The following S100PBP variants were observed in gnomAD, a reference collection of about 807,000 sequenced individuals.
S100PBP encodes S100P-binding protein.
S100PBP carries 15 observed loss-of-function variants against 39.9 expected under a neutral mutation model. The ratio of observed to expected loss-of-function variants is 0.38; its 90% CI spans 0.25 to 0.58. S100PBP has a LOEUF of 0.58. Among genes scored for constraint, S100PBP ranks in the 20% least tolerant of loss-of-function variants. The pLI, the probability that S100PBP is intolerant of heterozygous loss-of-function variation, is 0.70. For missense variants in S100PBP, 504 were observed against 487.3 expected (o/e 1.03, Z -0.32); for synonymous variants, 178 against 180.3 (o/e 0.99, Z 0.10).
Position 32,853,191 on chromosome 1 carries a change from G to A in S100PBP, c.1112+25G>A, listed in dbSNP as rs1354515716. 15 of 1,565,032 alleles carry A rather than the reference G, an allele frequency of 9.6e-6. No individual in the cohort carries two copies. The Admixed American group carries it at 2.5e-4, about 26-fold the overall frequency. On this transcript the variant is annotated intron_variant, in intron 6 of 6. Transcript: ENST00000373475. ...GGTGAGTGGGTGATTAGAAGAAGATGGAAAAGGGTAGAATGGCTGGGCGCG... is the reference window on the plus strand; with the variant it reads ...GGTGAGTGGGTGATTAGAAGAAGATAGAAAAGGGTAGAATGGCTGGGCGCG...
chr1:32,831,079 C>CAAAAA (rs35054997), intron 5 of S100PBP, among the ~76,000 whole-genome samples: 1 of 144,978 alleles, frequency 6.9e-6, no homozygotes, highest in Non-Finnish European at 1.5e-5. Context: ...GACTCTGTCT[C>CAAAAA]AAAAAAAAAA....
In S100PBP at chr1:32,856,012, C is replaced by A. The variant is rs1296177957; in HGVS notation, c.1201C>A (p.Arg401Ser). The A allele has an allele frequency of 2.5e-6, 4 of 1,612,640 alleles. No individual in the cohort carries two copies. In the African/African-American group the frequency reaches 4.0e-5, roughly 16 times the overall value. Reference sequence around the variant, plus strand: ...CATGCGAAGCCACCATCGGTTCCAGCGTCTCCCAGACTTCTCGTACAGTTA... The same window carrying A: ...CATGCGAAGCCACCATCGGTTCCAGAGTCTCCCAGACTTCTCGTACAGTTA... ...RNMRSHHRFQ[R>S]LPDFSYS The change falls in exon 7 of 7, where the codon CGT becomes AGT. Residue 401 changes from arginine (R) to serine (S), a missense_variant. Transcript: ENST00000373475.
At chr1:32,847,966 C>G (rs964745784) in intron 5 of S100PBP, among the ~76,000 whole-genome samples, 2 of 152,056 alleles carry the variant, frequency 1.3e-5, no homozygotes, top group African/African-American at 2.4e-5. Flanking sequence ...CACCAGGTCT[C>G]GTAGTGAAAA....
At chr1:32,834,059 T>A in intron 5 of S100PBP, 1 of 336,158 alleles carries the variant, frequency 3.0e-6, no homozygotes, top group Non-Finnish European at 6.2e-6. Flanking sequence ...GTGGAATTGC[T>A]GGGTAAAGTA....
Position 32,847,852 on chromosome 1 carries a change from C to T in S100PBP, c.1025-5227C>T, listed in dbSNP as rs112018678. 476 of 152,234 alleles carry T rather than the reference C, an allele frequency of 3.1e-3. 7 individuals carry two copies. Among genetic ancestry groups the T allele is most frequent in the African/African-American group, 0.011 (451 of 41,524 alleles). 9.4% of individuals were successfully genotyped at this position (152,234 alleles called of 1,614,324 possible). ...TCTTTCCTTCTCTCTTCATTCCCTCCCTGGTATTAAGTACTTTACATTGCA... is the reference window on the plus strand; with the variant it reads ...TCTTTCCTTCTCTCTTCATTCCCTCTCTGGTATTAAGTACTTTACATTGCA... On this transcript the variant is annotated intron_variant, in intron 5 of 6. Coordinates refer to ENST00000373475, the MANE Select transcript of S100PBP (RefSeq NM_022753.4).
chr1:32,851,606 C>T (rs532989626), intron 5 of S100PBP, among the ~76,000 whole-genome samples: 3 of 151,732 alleles, frequency 2.0e-5, no homozygotes, highest in Admixed American at 6.6e-5. Flanking sequence ...GAGGAGGTTG[C>T]GGTGAGCCGA....
intron 1 of S100PBP, among the ~76,000 whole-genome samples, chr1:32,823,900 A>G (rs1253737737): frequency 6.6e-6 from 1 of 152,182 alleles, no homozygotes; most frequent in Non-Finnish European, 1.5e-5. Context: ...ATATCTTCTA[A>G]AAGAATGCAT....
intron 6 of S100PBP, among the ~76,000 whole-genome samples, chr1:32,853,605 G>C (rs1380922593): frequency 1.3e-5 from 2 of 151,834 alleles, no homozygotes; most frequent in Non-Finnish European, 2.9e-5. Flanking sequence ...AATGGAATAA[G>C]AACTGGACTG....
chr1:32,839,332 CTT>C (rs907754422), intron 5 of S100PBP, among the ~76,000 whole-genome samples: 2 of 152,196 alleles, frequency 1.3e-5, no homozygotes, highest in Non-Finnish European at 2.9e-5. Context: ...CTTTTTAAGA[CTT>C]AATAATACAG....
intron 1 of S100PBP, among the ~76,000 whole-genome samples, chr1:32,818,318 G>C (rs574980563): frequency 2.0e-5 from 3 of 152,396 alleles, no homozygotes; most frequent in East Asian, 3.9e-4. Context: ...GCATTTGTGA[G>C]AGAGAGCCAA....
chr1:32,827,288 G>A (rs1251280042), intron 3 of S100PBP, among the ~76,000 whole-genome samples: 1 of 152,146 alleles, frequency 6.6e-6, no homozygotes, highest in Non-Finnish European at 1.5e-5. Flanking sequence ...TAATTACTAA[G>A]ATGGTAATTC....
intron 4 of S100PBP, 38 bp downstream of exon 4, chr1:32,828,119 G>T (rs1024430992): frequency 7.1e-7 from 1 of 1,416,372 alleles, no homozygotes; most frequent in South Asian, 1.2e-5. Flanking sequence ...GATTTATTTT[G>T]GTTCTCTTCA....
upstream of S100PBP, chr1:32,817,382 G>T: frequency 9.2e-7 from 1 of 1,082,128 alleles, no homozygotes; most frequent in Non-Finnish European, 1.4e-6. Flanking sequence ...CGCTTACTCG[G>T]CCTGGACCCC....
chr1:32,833,355 A>ATTTTTT (rs1639682369), intron 5 of S100PBP, among the ~76,000 whole-genome samples: 1 of 148,348 alleles, frequency 6.7e-6, no homozygotes, highest in African/African-American at 2.5e-5. Flanking sequence ...TCTGTCTTTC[A>ATTTTTT]TTTTTTATTA....
chr1:32,856,123 T>C lies in S100PBP; in HGVS notation c.*85T>C. 1 of 836,292 alleles carries C rather than the reference T, an allele frequency of 1.2e-6. No homozygotes were observed. Among genetic ancestry groups the C allele is most frequent in the Non-Finnish European group, 1.9e-6 (1 of 538,506 alleles). The allele number at this position is 836,292 out of a possible 1,614,324, so 51.8% of individuals were successfully genotyped here. A position where few individuals can be genotyped will look rare whatever the true frequency, so the allele number is the denominator to read the frequency against. On this transcript the variant is annotated 3_prime_UTR_variant, in exon 7 of 7. Transcript: ENST00000373475. The stretch of plus-strand genomic sequence containing the variant: ...TCATGTTCTTTTGCTGTTTTGTGCT[T>C]TGCCGATTTTGGATTTTATTTTTCA...
intron 6 of S100PBP, among the ~76,000 whole-genome samples, 156 bp from the exon 7 acceptor site, chr1:32,855,768 A>G (rs148958642): frequency 2.4e-4 from 36 of 152,348 alleles, no homozygotes; most frequent in African/African-American, 8.7e-4. Flanking sequence ...GAAATAGTAT[A>G]AAATTTCTAA....
chr1:32,846,374 C>A (rs1349399380), intron 5 of S100PBP, among the ~76,000 whole-genome samples: 7 of 147,832 alleles, frequency 4.7e-5, no homozygotes, highest in African/African-American at 1.8e-4. Context: ...TTTTTTTTTC[C>A]AGTCTCACAA....
At chr1:32,830,609 G>T (rs1426395814) in intron 5 of S100PBP, among the ~76,000 whole-genome samples, 4 of 152,154 alleles carry the variant, frequency 2.6e-5, no homozygotes, top group Non-Finnish European at 5.9e-5. Flanking sequence ...TCTTTCTCCA[G>T]CTCTCAAGAG....
chr1:32,818,892 G>A (rs1638901250), intron 1 of S100PBP: 2 of 152,314 alleles, frequency 1.3e-5, no homozygotes, highest in African/African-American at 4.8e-5. Flanking sequence ...CAAAGGCCAG[G>A]GGGAAGTCTT....
Sources: allele counts gnomAD v4.1 joint callset (sites outside exome capture counted in the v4.1 genomes callset), GRCh38; gene constraint gnomAD v4.1.1; transcripts MANE v1.5; gene names NCBI Gene and HGNC (gene_info 2026-07-23, HGNC 2026-07-21).